The following AKAP6 variants were observed in gnomAD, a reference collection of about 807,000 sequenced individuals.
AKAP6 encodes A-kinase anchoring protein 6, also known as A-kinase anchor protein 6.
AKAP6 carries 58 observed loss-of-function variants against 188.5 expected under a neutral mutation model. That is an observed-to-expected ratio of 0.31 (90% confidence interval 0.25 to 0.38). The LOEUF is 0.38. Among genes scored for constraint, AKAP6 ranks in the 10% least tolerant of loss-of-function variants. AKAP6 has a pLI of 1.00. For missense variants in AKAP6, 2,710 were observed against 2,740.0 expected, an observed-to-expected ratio of 0.99 and a Z score of 0.24; for synonymous variants, 989 against 998.6, an observed-to-expected ratio of 0.99 and a Z score of 0.18.
chr14:32,580,650 C>A (rs1884920714), intron 5 of AKAP6, among the ~76,000 whole-genome samples: 2 of 152,058 alleles, frequency 1.3e-5, no homozygotes, highest in African/African-American at 4.8e-5. Context: ...CATGCTGCAC[C>A]CATTAACTTG....
At chr14:32,337,611 G>A (rs925544284) in intron 1 of AKAP6, among the ~76,000 whole-genome samples, 8 of 151,858 alleles carry the variant, frequency 5.3e-5, no homozygotes, top group African/African-American at 1.5e-4. Flanking sequence ...TAGGGTACAT[G>A]TGCACAATAT....
chr14:32,366,167 C>G (rs1887827679), intron 1 of AKAP6, among the ~76,000 whole-genome samples: 1 of 152,182 alleles, frequency 6.6e-6, no homozygotes. Context: ...TGCACCCCCT[C>G]CATGAAGAGA....
intron 1 of AKAP6, among the ~76,000 whole-genome samples, chr14:32,337,878 G>A (rs1350350557): frequency 6.6e-6 from 1 of 152,106 alleles, no homozygotes; most frequent in Non-Finnish European, 1.5e-5. Context: ...AAACAGGCCT[G>A]GCATGGTGGC....
chr14:32,640,336 T>C (rs1887701213), intron 7 of AKAP6, among the ~76,000 whole-genome samples: 2 of 152,074 alleles, frequency 1.3e-5, no homozygotes, highest in South Asian at 2.1e-4. Flanking sequence ...CTCAACTCAC[T>C]ATATTAAATC....
At chr14:32,585,893 T>A (rs1353888188) in intron 5 of AKAP6, among the ~76,000 whole-genome samples, 1 of 152,082 alleles carries the variant, frequency 6.6e-6, no homozygotes, top group Non-Finnish European at 1.5e-5. Context: ...TGAGACTAGA[T>A]TGGAGTCTCA....
intron 1 of AKAP6, among the ~76,000 whole-genome samples, chr14:32,335,582 G>C (rs1233308110): frequency 6.6e-6 from 1 of 152,130 alleles, no homozygotes. Flanking sequence ...ATAGGCAATG[G>C]GGGATATATT....
At position 32,830,260 on chromosome 14, in the gene AKAP6, C is replaced by T. The variant is rs1000515685; in HGVS notation, c.*455C>T. ...TGTATCAATCTGGATTTTTTTTTAA[C>T]GGTATAATGACTGTGTTTATTGAAA... On this transcript the variant is annotated 3_prime_UTR_variant, in exon 14 of 14. Transcript: ENST00000280979. 3.2e-5 allele frequency: 10 copies of T among 312,082 alleles called. No individual in the cohort carries two copies. Among genetic ancestry groups the T allele is most frequent in the East Asian group, 5.7e-5 (1 of 17,658 alleles). The allele number at this position is 312,082 out of a possible 1,614,324, so 19.3% of individuals were successfully genotyped here.
chr14:32,687,337 G>T (rs1405575598), intron 8 of AKAP6, among the ~76,000 whole-genome samples: 1 of 151,420 alleles, frequency 6.6e-6, no homozygotes, highest in Non-Finnish European at 1.5e-5. Flanking sequence ...CCTGCCATGG[G>T]GTGATCTTTC....
intron 11 of AKAP6, among the ~76,000 whole-genome samples, 161 bp from the exon 12 acceptor site, chr14:32,773,517 G>A (rs1247284055): frequency 6.6e-6 from 1 of 152,160 alleles, no homozygotes; most frequent in Non-Finnish European, 1.5e-5. Flanking sequence ...GACTTCTGTA[G>A]GAGGCCTCCA....
intron 1 of AKAP6, among the ~76,000 whole-genome samples, chr14:32,354,875 C>T (rs1031190804): frequency 2.6e-5 from 4 of 152,192 alleles, no homozygotes; most frequent in Admixed American, 6.5e-5. Flanking sequence ...CATGCCATCC[C>T]GGGGAGTTGC....
chr14:32,551,918 G>A (rs538975735), intron 4 of AKAP6, among the ~76,000 whole-genome samples: 25 of 151,810 alleles, frequency 1.6e-4, no homozygotes, highest in African/African-American at 4.4e-4. Context: ...CGCCGGCCTC[G>A]GCCTCCCAAA....
chr14:32,589,394 G>A (rs538135444), intron 5 of AKAP6, among the ~76,000 whole-genome samples: 2 of 152,278 alleles, frequency 1.3e-5, no homozygotes, highest in Admixed American at 1.3e-4. Context: ...TCTTCCTTTG[G>A]TGGCACAGGG....
intron 1 of AKAP6, among the ~76,000 whole-genome samples, chr14:32,346,802 C>A (rs1404754596): frequency 2.0e-5 from 3 of 152,214 alleles, no homozygotes; most frequent in Non-Finnish European, 2.9e-5. Flanking sequence ...GCCACCGCAC[C>A]CAGCCAGAAA....
At chr14:32,615,325 G>A (rs1344187125) in intron 7 of AKAP6, among the ~76,000 whole-genome samples, 1 of 151,574 alleles carries the variant, frequency 6.6e-6, no homozygotes, top group Non-Finnish European at 1.5e-5. Context: ...ATGGCAGAGG[G>A]GAAAAATGGG....
At chr14:32,418,922 C>T (rs1889748493) in intron 1 of AKAP6, among the ~76,000 whole-genome samples, 1 of 152,030 alleles carries the variant, frequency 6.6e-6, no homozygotes, top group South Asian at 2.1e-4. Flanking sequence ...AGAAAATACG[C>T]ATTTTATGTA....
intron 2 of AKAP6, among the ~76,000 whole-genome samples, chr14:32,468,279 G>C (rs1412838990): frequency 6.6e-6 from 1 of 152,198 alleles, no homozygotes; most frequent in Non-Finnish European, 1.5e-5. Context: ...ATATTCAGAA[G>C]AGCTAGTTCT....
intron 2 of AKAP6, among the ~76,000 whole-genome samples, chr14:32,499,286 A>G (rs1182373309): frequency 6.6e-6 from 1 of 151,138 alleles, no homozygotes; most frequent in African/African-American, 2.4e-5. Flanking sequence ...ATATTTCACA[A>G]CACAAAAACT....
At chr14:32,537,828 G>A (rs990827808) in intron 3 of AKAP6, among the ~76,000 whole-genome samples, 4 of 152,234 alleles carry the variant, frequency 2.6e-5, no homozygotes, top group Non-Finnish European at 5.9e-5. Context: ...CATTCATGAA[G>A]TAGTAGCTCA....
At chr14:32,486,818 T>C (rs1023487449) in intron 2 of AKAP6, among the ~76,000 whole-genome samples, 9 of 152,240 alleles carry the variant, frequency 5.9e-5, no homozygotes, top group Non-Finnish European at 1.2e-4. Context: ...TTCTTTCTCT[T>C]GCCTGATTGC....
Sources: gnomAD v4.1 joint callset for allele counts (sites outside exome capture counted in the v4.1 genomes callset) on GRCh38, gnomAD v4.1.1 for gene constraint, MANE v1.5 for transcripts, NCBI Gene and HGNC (gene_info 2026-07-23, HGNC 2026-07-21) for gene names.